PRSS48: variants seen among roughly 807,000 people sequenced by gnomAD.
PRSS48 encodes the protein serine protease 48, also known as epidermis-specific serine protease-like protein.
PRSS48 carries 21 observed loss-of-function variants against 25.6 expected under a neutral mutation model. That is an observed-to-expected ratio of 0.82 (90% confidence interval 0.58 to 1.18). The LOEUF is 1.18. Among genes scored for constraint, PRSS48 ranks in the 50% most tolerant of loss-of-function variants. The pLI is 0.00. For missense variants in PRSS48, 373 were observed against 399.3 expected (o/e 0.93, Z 0.56); for synonymous variants, 150 against 149.3 (o/e 1.00, Z -0.04).
At chr4:151,279,831 G>C (rs1357965485) in exon 2 of PRSS48, 6 of 1,613,584 alleles carry the variant, frequency 3.7e-6, no homozygotes, top group Non-Finnish European at 5.1e-6. Context: ...CCGCGTTGTA[G>C]GTGGCCAGGA....
chr4:151,290,856 CATT>C (rs1260098922), intron 4 of PRSS48, among the ~76,000 whole-genome samples: 1 of 152,172 alleles, frequency 6.6e-6, no homozygotes, highest in Non-Finnish European at 1.5e-5. Context: ...AAAATCATCT[CATT>C]AGTTTTATTT....
At chr4:151,283,162 T>C (rs1482396622) in exon 4 of PRSS48, 2 of 1,613,924 alleles carry the variant, frequency 1.2e-6, no homozygotes, top group East Asian at 2.2e-5. Context: ...GTACCCATTA[T>C]TGACCGCCAG....
Position 151,291,423 on chromosome 4 carries a change from T to C in PRSS48, c.957T>C (p.Asn319=), listed in dbSNP as rs1421721228. 5.0e-6 allele frequency: 8 copies of C among 1,612,954 alleles called. No homozygotes were observed. In the East Asian group the frequency reaches 1.1e-4, roughly 22 times the overall value. The change falls in exon 5 of 5, where the codon AAT becomes AAC. Residue 319 remains asparagine, a synonymous_variant. Transcript: ENST00000455694. ...CTTGCATACAGGGCTGGGAAGAGAA[T>C]GCATGGAGATTTAGTCCCAGGGGCA...
intron 4 of PRSS48, among the ~76,000 whole-genome samples, chr4:151,287,881 T>TCA (rs1774970745): frequency 6.6e-6 from 1 of 152,126 alleles, no homozygotes; most frequent in African/African-American, 2.4e-5. Flanking sequence ...CCCCTCTCTC[T>TCA]TTTTTTATTT....
chr4:151,290,454 T>C (rs1187320325), intron 4 of PRSS48, among the ~76,000 whole-genome samples: 2 of 152,182 alleles, frequency 1.3e-5, no homozygotes, highest in Non-Finnish European at 2.9e-5. Flanking sequence ...AGATATTACA[T>C]GATTCCATTT....
chr4:151,290,455 G>T (rs982391403), intron 4 of PRSS48, among the ~76,000 whole-genome samples: 9 of 152,178 alleles, frequency 5.9e-5, no homozygotes, highest in African/African-American at 2.2e-4. Context: ...GATATTACAT[G>T]ATTCCATTTA....
intron 2 of PRSS48, among the ~76,000 whole-genome samples, chr4:151,281,177 G>A (rs1774188500): frequency 6.6e-6 from 1 of 152,198 alleles, no homozygotes. Flanking sequence ...AGATAGTATT[G>A]ATAGAATGCC....
intron 4 of PRSS48, among the ~76,000 whole-genome samples, chr4:151,286,301 G>A (rs1392404507): frequency 1.4e-5 from 2 of 140,354 alleles, no homozygotes; most frequent in South Asian, 2.3e-4. Context: ...ATAAACAAAA[G>A]CAAAAGTTGG....
chr4:151,282,858 A>G (rs1321687267), intron 3 of PRSS48, among the ~76,000 whole-genome samples: 1 of 152,184 alleles, frequency 6.6e-6, no homozygotes, highest in Non-Finnish European at 1.5e-5. Flanking sequence ...CCTTTACTCA[A>G]TCAGAATTTA....
At chr4:151,279,374 G>A (rs926134903) in intron 1 of PRSS48, among the ~76,000 whole-genome samples, 2 of 152,028 alleles carry the variant, frequency 1.3e-5, no homozygotes, top group African/African-American at 4.8e-5. Flanking sequence ...TAAGTTAAAT[G>A]ATATTCCATG....
chr4:151,285,939 A>G (rs1326391571), intron 4 of PRSS48, among the ~76,000 whole-genome samples: 2 of 151,852 alleles, frequency 1.3e-5, no homozygotes, highest in African/African-American at 2.4e-5. Context: ...ACATACCTGT[A>G]ATCGCAGCAC....
intron 4 of PRSS48, among the ~76,000 whole-genome samples, chr4:151,283,663 A>T (rs1253858444): frequency 6.6e-6 from 1 of 151,738 alleles, no homozygotes; most frequent in Non-Finnish European, 1.5e-5. Context: ...TGGGACTACA[A>T]GCTCACACCT....
At chr4:151,285,001 A>G (rs979922467) in intron 4 of PRSS48, among the ~76,000 whole-genome samples, 4 of 152,038 alleles carry the variant, frequency 2.6e-5, no homozygotes, top group Admixed American at 6.6e-5. Context: ...TCTGAACTCT[A>G]TCCTCTAATT....
At chr4:151,277,621 C>G (rs9990564) in intron 1 of PRSS48, among the ~76,000 whole-genome samples, 52,339 of 151,474 alleles carry the variant, frequency 0.35, 10,128 homozygotes, top group Non-Finnish European at 0.46. Flanking sequence ...AAGGGGATAA[C>G]TAAATTAAGT....
intron 1 of PRSS48, chr4:151,279,182 T>TTG: frequency 1.1e-4 from 37 of 332,802 alleles, no homozygotes; most frequent in Non-Finnish European, 1.7e-4. Context: ...AGTATACAGG[T>TTG]CACCAGCACA....
rs550217856 is a variant in PRSS48 at position 151,278,010 on chromosome 4, C to T, written c.52+786C>T. ...AAGCCGAGATAGCGCCACTGCACTCCAGCCTTAGCGACAGAGTAAGACCCC... is the reference window on the plus strand; with the variant it reads ...AAGCCGAGATAGCGCCACTGCACTCTAGCCTTAGCGACAGAGTAAGACCCC... On this transcript the variant is annotated intron_variant, in intron 1 of 4. Coordinates refer to ENST00000455694, the Ensembl canonical transcript of PRSS48. Among the ~76,000 whole-genome samples the T allele has an allele frequency of 7.7e-4, 117 of 152,248 alleles. 2 individuals are homozygous for T. Among genetic ancestry groups the T allele is most frequent in the African/African-American group, 2.0e-3 (84 of 41,522 alleles).
At position 151,280,401 on chromosome 4, in the gene PRSS48, ACTGCAGCTCACCTTGATTGCAG is replaced by A. The variant is rs535638399; in HGVS notation, c.215+467_215+488del. 2.1e-3 allele frequency among the ~76,000 whole-genome samples: 325 copies of A among 152,256 alleles called. 2 individuals carry two copies. The highest frequency in any genetic ancestry group is 7.3e-3 in the East Asian group (38 of 5,184). ...GACACAGATCCTCCCCAGTAAGATG[ACTGCAGCTCACCTTGATTGCAG>A]CTGCAGCTCACCTTGATTGCAGCCA... On this transcript the variant is annotated intron_variant, in intron 2 of 4. Coordinates refer to ENST00000455694, the Ensembl canonical transcript of PRSS48.
chr4:151,291,361 A>G (rs746486111), exon 5 of PRSS48: 2 of 1,613,938 alleles, frequency 1.2e-6, no homozygotes, highest in East Asian at 4.5e-5. Flanking sequence ...TGGACCTAAC[A>G]CTATACACAG....
At chr4:151,286,982 A>AAATAAAAATAATAAT (rs1554067295) in intron 4 of PRSS48, among the ~76,000 whole-genome samples, 1 of 141,834 alleles carries the variant, frequency 7.1e-6, no homozygotes, top group African/African-American at 2.6e-5. Flanking sequence ...TCTGTCTCAA[A>AAATAAAAATAATAAT]AATAATAATA....
Sources: allele counts gnomAD v4.1 joint callset (sites outside exome capture counted in the v4.1 genomes callset), GRCh38; gene constraint gnomAD v4.1.1; transcripts MANE v1.5; gene names NCBI Gene and HGNC (gene_info 2026-07-23, HGNC 2026-07-21).